Variants in NOL4 observed in about 807,000 individuals in gnomAD.
The protein encoded by NOL4 is cancer/testis antigen 125.
Under a neutral mutation model 75.9 loss-of-function variants are expected in NOL4, and 17 were observed. The observed-to-expected ratio is 0.22, with a 90% CI of 0.15 to 0.34. NOL4 has a LOEUF of 0.34. Among genes scored for constraint, NOL4 ranks in the 10% least tolerant of loss-of-function variants. NOL4 has a pLI of 1.00. For missense variants in NOL4, 614 were observed against 793.5 expected, an observed-to-expected ratio of 0.77 and a Z score of 2.72; for synonymous variants, 292 against 289.9, an observed-to-expected ratio of 1.01 and a Z score of -0.07.
intron 9 of NOL4, among the ~76,000 whole-genome samples, chr18:33,893,075 C>T (rs552954323): frequency 3.0e-4 from 45 of 152,030 alleles, no homozygotes; most frequent in African/African-American, 6.3e-4. Context: ...AGATAATGCA[C>T]GGAGTTGTTT....
intron 9 of NOL4, among the ~76,000 whole-genome samples, chr18:33,914,611 G>A (rs1198037139): frequency 6.6e-6 from 1 of 152,066 alleles, no homozygotes; most frequent in African/African-American, 2.4e-5. Flanking sequence ...GAGTCATGAT[G>A]GTGAGTTGGA....
rs574493695 is a variant in NOL4 at position 34,190,495 on chromosome 18, T to G, written c.264+32495A>C. ...TCAAAATTTATATGAATAAATGTGC[T>G]GTCCTTTATATATGAAGGTAGAATC... On this transcript the variant is annotated intron_variant, in intron 1 of 10. Transcript: ENST00000261592. Among the ~76,000 whole-genome samples, 17 of 152,060 alleles carry G rather than the reference T, an allele frequency of 1.1e-4. No individual in the cohort carries two copies. The East Asian group carries it at 2.9e-3, about 26-fold the overall frequency.
chr18:34,009,257 T>A (rs2074236981), intron 6 of NOL4, among the ~76,000 whole-genome samples: 1 of 151,872 alleles, frequency 6.6e-6, no homozygotes, highest in Admixed American at 6.6e-5. Flanking sequence ...CCTCTGGGAA[T>A]GTGTATATTC....
intron 2 of NOL4, among the ~76,000 whole-genome samples, chr18:34,110,626 GA>G (rs2079543046): frequency 6.6e-6 from 1 of 152,088 alleles, no homozygotes; most frequent in African/African-American, 2.4e-5. Flanking sequence ...TCAAGAATAA[GA>G]CAAGGATGCC....
At chr18:34,205,617 C>T (rs1032143778) in intron 1 of NOL4, among the ~76,000 whole-genome samples, 2 of 152,020 alleles carry the variant, frequency 1.3e-5, no homozygotes, top group African/African-American at 4.8e-5. Context: ...TAAGAGGGTC[C>T]TAATCTTGCA....
At chr18:34,051,231 AAAAT>A (rs2076612219) in intron 5 of NOL4, among the ~76,000 whole-genome samples, 1 of 152,080 alleles carries the variant, frequency 6.6e-6, no homozygotes, top group Non-Finnish European at 1.5e-5. Flanking sequence ...TTAATAAATG[AAAAT>A]AAATATTTTT....
intron 9 of NOL4, among the ~76,000 whole-genome samples, chr18:33,900,927 T>C (rs2065711148): frequency 6.6e-6 from 1 of 152,176 alleles, no homozygotes; most frequent in African/African-American, 2.4e-5. Context: ...TGTTTATGTG[T>C]ATGTAGATGC....
At chr18:33,937,209 C>A (rs931127349) in intron 9 of NOL4, among the ~76,000 whole-genome samples, 8 of 152,092 alleles carry the variant, frequency 5.3e-5, no homozygotes, top group African/African-American at 1.9e-4. Context: ...GAGCAGTAGG[C>A]TCCTGTCCTT....
rs7241415 is a variant in NOL4, at chr18:33,974,190, C to T, written c.1057-15772G>A. 4.9e-3 allele frequency among the ~76,000 whole-genome samples: 749 copies of T among 152,238 alleles called. 7 individuals carry two copies. Among genetic ancestry groups the T allele is most frequent in the Non-Finnish European group, 8.8e-3 (601 of 68,016 alleles). The stretch of plus-strand genomic sequence containing the variant: ...TTGCATGTTTATGTTCTGGTGAAGG[C>T]CTCTTTCCTTAAACCTTCTGAACCA... On this transcript the variant is annotated intron_variant, in intron 6 of 10. Coordinates refer to ENST00000261592, the MANE Select transcript of NOL4 (RefSeq NM_003787.5).
chr18:34,099,709 C>T (rs1422216985), intron 4 of NOL4, among the ~76,000 whole-genome samples: 3 of 152,056 alleles, frequency 2.0e-5, no homozygotes, highest in African/African-American at 4.8e-5. Context: ...ATTGACCTCC[C>T]CTGCTCTCGC....
chr18:34,104,002 CG>C (rs769045255), intron 4 of NOL4, 44 bp downstream of exon 4: 2 of 1,288,366 alleles, frequency 1.6e-6, no homozygotes, highest in Non-Finnish European at 2.3e-6. Flanking sequence ...TATCAAGCTT[CG>C]TTCCAATTTG....
chr18:34,097,609 A>C (rs1421539561), intron 4 of NOL4, among the ~76,000 whole-genome samples: 2 of 152,166 alleles, frequency 1.3e-5, no homozygotes, highest in Admixed American at 1.3e-4. Context: ...GGTTAGTGTG[A>C]CTTAAGACCT....
chr18:33,854,013 T>C (rs1269052826), intron 10 of NOL4, among the ~76,000 whole-genome samples: 1 of 152,166 alleles, frequency 6.6e-6, no homozygotes, highest in Non-Finnish European at 1.5e-5. Context: ...ACTGTAGTTA[T>C]TAAATTTGCA....
intron 5 of NOL4, among the ~76,000 whole-genome samples, chr18:34,068,778 T>C (rs2077390151): frequency 6.6e-6 from 1 of 152,290 alleles, no homozygotes. Flanking sequence ...TGAATAACCA[T>C]ATCTGGAATT....
rs371392911 is a variant in NOL4 at position 34,189,276 on chromosome 18, A to T, written c.264+33714T>A. Reference sequence around the variant, plus strand: ...TATTAATAACCACCTGATCTCATAGAAACTCTTCCAGTCCAGCAAGAGTGA... The same window carrying T: ...TATTAATAACCACCTGATCTCATAGTAACTCTTCCAGTCCAGCAAGAGTGA... On this transcript the variant is annotated intron_variant, in intron 1 of 10. Coordinates refer to ENST00000261592, the MANE Select transcript of NOL4 (RefSeq NM_003787.5). Among the ~76,000 whole-genome samples the T allele has an allele frequency of 2.6e-5, 4 of 152,142 alleles. No individual in the cohort carries two copies. In the East Asian group the frequency reaches 7.7e-4, roughly 29 times the overall value.
chr18:34,043,571 T>C (rs1046943183), intron 5 of NOL4, among the ~76,000 whole-genome samples: 1 of 152,124 alleles, frequency 6.6e-6, no homozygotes, highest in African/African-American at 2.4e-5. Context: ...CAGAATGAGC[T>C]GGAATCAGCC....
intron 8 of NOL4, among the ~76,000 whole-genome samples, chr18:33,951,354 C>G (rs1352005782): frequency 6.6e-6 from 1 of 151,990 alleles, no homozygotes; most frequent in Non-Finnish European, 1.5e-5. Context: ...ATTGTTCAGG[C>G]TGGTTTTCGG....
intron 9 of NOL4, among the ~76,000 whole-genome samples, chr18:33,934,950 C>T (rs894574220): frequency 9.2e-5 from 14 of 151,378 alleles, no homozygotes; most frequent in Admixed American, 7.9e-4. Context: ...CCTCAACCTC[C>T]TGGGCTAAAG....
intron 1 of NOL4, among the ~76,000 whole-genome samples, chr18:34,152,035 A>G (rs918506132): frequency 6.6e-6 from 1 of 151,902 alleles, no homozygotes; most frequent in African/African-American, 2.4e-5. Context: ...AAATATAATA[A>G]CGAAATCTTT....
Sources: allele counts gnomAD v4.1 joint callset (sites outside exome capture counted in the v4.1 genomes callset), GRCh38; gene constraint gnomAD v4.1.1; transcripts MANE v1.5; gene names NCBI Gene and HGNC (gene_info 2026-07-23, HGNC 2026-07-21).